Variants in EFCAB8 observed in about 807,000 individuals in gnomAD.
EFCAB8 encodes the protein EF-hand calcium-binding domain-containing protein 8.
In EFCAB8, 100 loss-of-function variants were observed where a neutral mutation model predicts 116.3. The ratio of observed to expected loss-of-function variants is 0.86; its 90% CI spans 0.73 to 1.02. The LOEUF is 1.02. Among genes scored for constraint, EFCAB8 ranks in the 50% least tolerant of loss-of-function variants. The pLI is 0.00. For synonymous variants in EFCAB8, 558 were observed against 567.9 expected (o/e 0.98, Z 0.25); for missense variants, 1,320 against 1,416.9 (o/e 0.93, Z 1.10).
chr20:32,865,009 G>A (rs1009532917), intron 2 of EFCAB8, among the ~76,000 whole-genome samples: 3 of 152,204 alleles, frequency 2.0e-5, no homozygotes, highest in African/African-American at 7.2e-5. Flanking sequence ...GGGAAGTGAT[G>A]TGATATGCCT....
intron 5 of EFCAB8, among the ~76,000 whole-genome samples, chr20:32,882,946 C>T (rs765543773): frequency 2.0e-5 from 3 of 152,108 alleles, no homozygotes; most frequent in Admixed American, 1.3e-4. Flanking sequence ...CTGCCCGCCT[C>T]GGCCTCCCAA....
At chr20:32,940,023 CCCTTCCTTCCTTCCTTCCTTCCTT>C (rs757461144) in intron 22 of EFCAB8, among the ~76,000 whole-genome samples, 2 of 56,124 alleles carry the variant, frequency 3.6e-5, no homozygotes, top group African/African-American at 8.5e-5. Context: ...CTCCCTCCCT[CCCTTCCTTCCTTCCTTCCTTCCTT>C]CCTTCCTTCC....
intron 20 of EFCAB8, among the ~76,000 whole-genome samples, chr20:32,925,449 C>A (rs999615743): frequency 6.6e-6 from 1 of 152,170 alleles, no homozygotes; most frequent in Non-Finnish European, 1.5e-5. Context: ...GAACTCCTGA[C>A]CTTAAGTGAT....
intron 1 of EFCAB8, among the ~76,000 whole-genome samples, chr20:32,863,538 G>A (rs1321935232): frequency 2.0e-5 from 3 of 152,140 alleles, no homozygotes; most frequent in Non-Finnish European, 4.4e-5. Flanking sequence ...GCTTCTGCAG[G>A]ACAACTCCTC....
intron 22 of EFCAB8, among the ~76,000 whole-genome samples, chr20:32,931,924 A>G (rs1161594760): frequency 6.6e-6 from 1 of 152,244 alleles, no homozygotes; most frequent in Non-Finnish European, 1.5e-5. Context: ...CAATTTAGGC[A>G]AAAGAAGTCA....
intron 3 of EFCAB8, among the ~76,000 whole-genome samples, chr20:32,869,512 A>C (rs550818983): frequency 6.6e-6 from 1 of 152,326 alleles, no homozygotes; most frequent in South Asian, 2.1e-4. Flanking sequence ...CTGGGATTAC[A>C]GGCGTGAGCT....
chr20:32,908,286 G>C lies in EFCAB8; in HGVS notation c.1320G>C (p.Val440=). 8.0e-7 allele frequency: 1 copy of C among 1,249,884 alleles called. No individual in the cohort carries two copies. Among genetic ancestry groups the C allele is most frequent in the Non-Finnish European group, 1.0e-6 (1 of 988,248 alleles). 77.4% of individuals were successfully genotyped at this position (1,249,884 alleles called of 1,614,324 possible). The change falls in exon 14 of 27, where the codon GTG becomes GTC. Residue 440 remains valine, a synonymous_variant. Coordinates refer to ENST00000400522, the MANE Select transcript of EFCAB8 (RefSeq NM_001143967.2). ...TTCCCATCCCCCAGAATATTCGCGT[G>C]TGGGACATGCTGGACTACATATGCC... ...ISVSKDKNIR[V]WDMLDYICLQ...
chr20:32,865,935 A>G (rs1175431780), intron 2 of EFCAB8, among the ~76,000 whole-genome samples: 1 of 152,052 alleles, frequency 6.6e-6, no homozygotes, highest in Non-Finnish European at 1.5e-5. Context: ...TGGGGCGAGC[A>G]GGGGTGTGGG....
intron 20 of EFCAB8, among the ~76,000 whole-genome samples, chr20:32,920,495 G>T (rs1987398753): frequency 6.6e-6 from 1 of 152,174 alleles, no homozygotes; most frequent in Non-Finnish European, 1.5e-5. Context: ...GTTCCATATG[G>T]CTGGGGAAGA....
In EFCAB8 at chr20:32,943,810, G is replaced by T; in HGVS notation, c.2959+6G>T. On this transcript the variant is annotated splice_donor_region_variant and intron_variant, in intron 23 of 26. Coordinates refer to ENST00000400522, the MANE Select transcript of EFCAB8 (RefSeq NM_001143967.2). ...ACTCTCCGGTGATGCCATTGGTATG[G>T]GTCCTGCTGAAGCTCAGCCATGCCC... 1 of 416,788 alleles carries T rather than the reference G, an allele frequency of 2.4e-6. No homozygotes were observed. Among genetic ancestry groups the T allele is most frequent in the Non-Finnish European group, 4.4e-6 (1 of 226,380 alleles). 25.8% of individuals were successfully genotyped at this position (416,788 alleles called of 1,614,324 possible). A position where few individuals can be genotyped will look rare whatever the true frequency, so the allele number is the denominator to read the frequency against.
chr20:32,904,757 G>T (rs1320403016), intron 11 of EFCAB8, among the ~76,000 whole-genome samples: 1 of 151,974 alleles, frequency 6.6e-6, no homozygotes, highest in Non-Finnish European at 1.5e-5. Context: ...CTCCTGAGTA[G>T]CTGGGATTAC....
At chr20:32,881,078 C>A (rs1985313085) in intron 5 of EFCAB8, among the ~76,000 whole-genome samples, 1 of 152,194 alleles carries the variant, frequency 6.6e-6, no homozygotes, top group Admixed American at 6.5e-5. Flanking sequence ...AGGCTGAGGC[C>A]ATTCAGGTTT....
intron 24 of EFCAB8, 38 bp downstream of exon 24, chr20:32,958,588 A>C: frequency 2.4e-6 from 1 of 413,584 alleles, no homozygotes; most frequent in Non-Finnish European, 4.4e-6. Context: ...CTCTGGCCTG[A>C]GGAGGGAGAG....
chr20:32,914,526 A>C (rs6119304), intron 17 of EFCAB8, among the ~76,000 whole-genome samples: 43,493 of 152,164 alleles, frequency 0.29, 6,835 homozygotes, highest in African/African-American at 0.39. Context: ...AATTTATGAC[A>C]AAAAAGGGTT....
Position 32,906,540 on chromosome 20 carries a change from CCTCA to C in EFCAB8, c.1089-18_1089-15del. ...GGGCCACTGCTCCCGGCCCTGCAGC[CCTCA>C]CTCCTTTGATATTGTAGGTTGTCAG... On this transcript the variant is annotated intron_variant, in intron 11 of 26. Coordinates refer to ENST00000400522, the MANE Select transcript of EFCAB8 (RefSeq NM_001143967.2). The C allele has an allele frequency of 1.4e-6, 1 of 718,390 alleles. No individual in the cohort carries two copies. The highest frequency in any genetic ancestry group is 2.6e-6 in the Non-Finnish European group (1 of 385,076). The allele number at this position is 718,390 out of a possible 1,614,324, so 44.5% of individuals were successfully genotyped here.
chr20:32,900,005 T>C (rs1014546643), intron 11 of EFCAB8, among the ~76,000 whole-genome samples: 1 of 152,160 alleles, frequency 6.6e-6, no homozygotes, highest in Non-Finnish European at 1.5e-5. Context: ...CCCTAGTCTT[T>C]ACCTTGAGCC....
intron 2 of EFCAB8, among the ~76,000 whole-genome samples, chr20:32,866,180 ATG>A (rs1239115219): frequency 6.6e-6 from 1 of 152,124 alleles, no homozygotes; most frequent in Non-Finnish European, 1.5e-5. Flanking sequence ...CACTCAGTCA[ATG>A]TGTGTAGACG....
intron 2 of EFCAB8, among the ~76,000 whole-genome samples, chr20:32,866,795 C>T (rs1984430352): frequency 7.6e-6 from 1 of 130,890 alleles, no homozygotes; most frequent in Non-Finnish European, 1.6e-5. Flanking sequence ...TTCCTTCCTT[C>T]CCTCCCTCCC....
Position 32,930,527 on chromosome 20 carries a change from C to G in EFCAB8, c.2542C>G (p.Leu848Val). Residue 848 changes from leucine (L) to valine (V), a missense_variant, in exon 21 of 27, where the codon CTA becomes GTA. Transcript: ENST00000400522. ...GGLLGKFPVDLDNGDVVVGAM... is the reference protein window; with the variant it reads ...GGLLGKFPVDVDNGDVVVGAM... The stretch of plus-strand genomic sequence containing the variant: ...CCTGCTGGGGAAGTTCCCTGTGGAC[C>G]TAGACAATGGGGATGTTGTCGTGGG... 1.3e-6 allele frequency: 2 copies of G among 1,552,352 alleles called. No homozygotes were observed. Among genetic ancestry groups the G allele is most frequent in the African/African-American group, 1.4e-5 (1 of 73,182 alleles).
Sources: allele counts gnomAD v4.1 joint callset (sites outside exome capture counted in the v4.1 genomes callset), GRCh38; gene constraint gnomAD v4.1.1; transcripts MANE v1.5; gene names NCBI Gene and HGNC (gene_info 2026-07-23, HGNC 2026-07-21).